HFM1: variants seen among roughly 807,000 people sequenced by gnomAD.
The protein encoded by HFM1 is helicase for meiosis 1, also known as probable ATP-dependent DNA helicase HFM1.
In HFM1, 169 loss-of-function variants were observed where a neutral mutation model predicts 192.1. That is an observed-to-expected ratio of 0.88 (90% CI 0.78 to 1.00). The LOEUF (loss-of-function observed/expected upper bound fraction) is 1.00. Among genes scored for constraint, HFM1 ranks in the 50% least tolerant of loss-of-function variants. The pLI, the probability that HFM1 is intolerant of heterozygous loss-of-function variation, is 0.00. For missense variants in HFM1, 1,661 were observed against 1,668.0 expected, an observed-to-expected ratio of 1.00 and a Z score of 0.07; for synonymous variants, 525 against 537.8, an observed-to-expected ratio of 0.98 and a Z score of 0.33.
chr1:91,341,055 T>C (rs1655258120), intron 20 of HFM1, among the ~76,000 whole-genome samples: 1 of 152,134 alleles, frequency 6.6e-6, no homozygotes, highest in Non-Finnish European at 1.5e-5. Flanking sequence ...CAAATAAAAA[T>C]GTTCAGGACC....
intron 19 of HFM1, 37 bp from the exon 20 acceptor site, chr1:91,343,547 A>C (rs1158024241): frequency 1.2e-6 from 1 of 831,544 alleles, no homozygotes. Context: ...AATTTTAGTA[A>C]AATAGGGAAG....
intron 13 of HFM1, among the ~76,000 whole-genome samples, chr1:91,353,579 A>C (rs1018062836): frequency 2.0e-5 from 3 of 149,678 alleles, no homozygotes. Flanking sequence ...ATAAAAGTCT[A>C]CTCTCATAAT....
intron 13 of HFM1, among the ~76,000 whole-genome samples, chr1:91,355,697 T>G (rs34390075): frequency 0.096 from 14,652 of 152,020 alleles, 743 homozygotes; most frequent in East Asian, 0.16. Flanking sequence ...CACCCAACAC[T>G]GAAGCATAAC....
At chr1:91,403,687 A>C (rs1271588890) in intron 1 of HFM1, among the ~76,000 whole-genome samples, 2 of 152,200 alleles carry the variant, frequency 1.3e-5, no homozygotes, top group South Asian at 4.1e-4. Flanking sequence ...GGTAGTTTTA[A>C]GTGTCTGCTC....
intron 7 of HFM1, 56 bp from the exon 8 acceptor site, chr1:91,380,292 T>C (rs1661403582): frequency 2.8e-6 from 3 of 1,078,070 alleles, no homozygotes; most frequent in Admixed American, 5.6e-5. Flanking sequence ...ACACACATTC[T>C]CAATTTGTTA....
chr1:91,295,316 C>T (rs1570831916), intron 30 of HFM1, among the ~76,000 whole-genome samples: 1 of 152,122 alleles, frequency 6.6e-6, no homozygotes, highest in Non-Finnish European at 1.5e-5. Context: ...GTGGCTTAAA[C>T]AACTGAAATT....
chr1:91,383,347 CTA>C (rs1219334965), intron 6 of HFM1, among the ~76,000 whole-genome samples: 1 of 152,148 alleles, frequency 6.6e-6, no homozygotes, highest in Non-Finnish European at 1.5e-5. Context: ...AATATATTTC[CTA>C]TGTTTCCATC....
chr1:91,333,636 A>C (rs1003035013), intron 20 of HFM1, among the ~76,000 whole-genome samples: 1 of 152,246 alleles, frequency 6.6e-6, no homozygotes, highest in Non-Finnish European at 1.5e-5. Flanking sequence ...ACTGTCTGTA[A>C]CACAAAGGAT....
intron 18 of HFM1, among the ~76,000 whole-genome samples, chr1:91,349,285 CA>C (rs33918216): frequency 0.76 from 113,286 of 148,430 alleles, 43,671 homozygotes; most frequent in African/African-American, 0.89. Context: ...GAGGCTATCT[CA>C]AAAAAAAAAA....
At chr1:91,277,433 C>A (rs1411462600) in intron 30 of HFM1, among the ~76,000 whole-genome samples, 4 of 149,680 alleles carry the variant, frequency 2.7e-5, no homozygotes, top group Non-Finnish European at 1.5e-5. Flanking sequence ...CACTATTACT[C>A]CCAACAAGAA....
intron 30 of HFM1, among the ~76,000 whole-genome samples, chr1:91,291,417 C>T (rs1336376636): frequency 2.0e-5 from 3 of 152,144 alleles, no homozygotes; most frequent in East Asian, 1.9e-4. Context: ...GATAATACTA[C>T]AAACACCTCT....
chr1:91,385,891 T>C, intron 4 of HFM1, 57 bp from the exon 5 acceptor site: 3 of 1,444,248 alleles, frequency 2.1e-6, no homozygotes, highest in Non-Finnish European at 2.8e-6. Flanking sequence ...GCTTGGAATA[T>C]GAAAAACTAG....
intron 30 of HFM1, among the ~76,000 whole-genome samples, chr1:91,290,258 A>G (rs1029247476): frequency 1.3e-5 from 2 of 152,220 alleles, no homozygotes; most frequent in Admixed American, 6.5e-5. Context: ...AGACTGGCAA[A>G]TTGGATAAAG....
intron 33 of HFM1, 61 bp downstream of exon 33, chr1:91,274,669 A>C: frequency 1.3e-6 from 1 of 795,282 alleles, no homozygotes; most frequent in Non-Finnish European, 2.1e-6. Flanking sequence ...ATAAGTGGTT[A>C]CCTGCAGGAA....
At chr1:91,373,884 T>G (rs1032544747) in intron 13 of HFM1, among the ~76,000 whole-genome samples, 3 of 151,998 alleles carry the variant, frequency 2.0e-5, no homozygotes, top group African/African-American at 4.8e-5. Flanking sequence ...TAAGATTGAG[T>G]GGTAAGCAGG....
intron 20 of HFM1, among the ~76,000 whole-genome samples, chr1:91,327,148 C>CA (rs1653039274): frequency 6.6e-6 from 1 of 152,164 alleles, no homozygotes; most frequent in East Asian, 1.9e-4. Context: ...AAACAAATAA[C>CA]AAAATGGCAG....
chr1:91,370,324 C>A (rs914652223), intron 13 of HFM1, among the ~76,000 whole-genome samples: 8 of 152,154 alleles, frequency 5.3e-5, no homozygotes, highest in Middle Eastern at 3.4e-3. Flanking sequence ...TGATGAACAT[C>A]GATGCAAAAA....
Position 91,401,052 on chromosome 1 carries a change from A to G in HFM1, c.31T>C (p.Leu11=). The G allele has an allele frequency of 6.4e-7, 1 of 1,556,254 alleles. No homozygotes were observed. Among genetic ancestry groups the G allele is most frequent in the East Asian group, 2.4e-5 (1 of 42,260 alleles). The change falls in exon 2 of 39, where the codon TTG becomes CTG. Residue 11 remains leucine (L), a synonymous_variant. Coordinates refer to ENST00000370425, the MANE Select transcript of HFM1 (RefSeq NM_001017975.6). MLKSNDCLFS[L]ENLFFEKPDE... is the part of the protein sequence containing the mutation. ...GGTTTTTCAAAAAACAAATTTTCCA[A>G]AGAAAACAGGCAATCATTTGATTTC...
Position 91,343,478 on chromosome 1 carries a change from A to T in HFM1, c.2287T>A (p.Ser763Thr). Reference protein sequence around the residue: ...LCLKNLNDLSSLDLIKMDEGV... With the variant: ...LCLKNLNDLSTLDLIKMDEGV... ...TCATCCATCTTTATTAAGTCCAGGG[A>T]TGATAAATCATTCAGATTCTTCAAA... The change falls in exon 20 of 39, where the codon TCC becomes ACC. Residue 763 changes from serine (S) to threonine (T), a missense_variant. Coordinates refer to ENST00000370425, the MANE Select transcript of HFM1 (RefSeq NM_001017975.6). The T allele has an allele frequency of 7.0e-7, 1 of 1,433,280 alleles. No individual in the cohort carries two copies. Among genetic ancestry groups the T allele is most frequent in the Non-Finnish European group, 9.6e-7 (1 of 1,044,596 alleles). 88.8% of individuals were successfully genotyped at this position (1,433,280 alleles called of 1,614,324 possible).
Sources: allele counts gnomAD v4.1 joint callset (sites outside exome capture counted in the v4.1 genomes callset), GRCh38; gene constraint gnomAD v4.1.1; transcripts MANE v1.5; gene names NCBI Gene and HGNC (gene_info 2026-07-23, HGNC 2026-07-21).